The following LAMA2 variants were observed in gnomAD, a reference collection of about 807,000 sequenced individuals.
LAMA2 encodes the protein laminin subunit alpha-2.
A neutral mutation model predicts 364.8 loss-of-function variants in LAMA2; 269 were observed. That is an observed-to-expected ratio of 0.74 (90% CI 0.67 to 0.82). The LOEUF is 0.82. LAMA2 is among the 40% of genes least tolerant of loss of function. LAMA2 has a pLI of 0.00. For missense variants in LAMA2, 3,807 were observed against 3,873.2 expected (o/e 0.98, Z 0.45); for synonymous variants, 1,379 against 1,370.6 (o/e 1.01, Z -0.14).
In LAMA2 at chr6:129,192,729, G is replaced by A. The variant is rs969938145; in HGVS notation, c.1658G>A (p.Arg553Gln). 1.1e-5 allele frequency: 18 copies of A among 1,613,986 alleles called. No individual in the cohort carries two copies. Among genetic ancestry groups the A allele is most frequent in the Non-Finnish European group, 1.5e-5 (18 of 1,180,012 alleles). Residue 553 changes from arginine (R) to glutamine (Q), a missense_variant, in exon 12 of 65, where the codon CGA becomes CAA. This residue lies in a region of LAMA2 where 3,333 missense variants were observed against 3,345.7 expected (regional missense o/e 1.00). Transcript: ENST00000421865. ...WYLTDLPGRI[R>Q]VAPQQDDLDS... Reference sequence around the variant, plus strand: ...CTGACTGACCTTCCTGGCCGCATTCGAGTGGCTCCCCAGCAGGACGACTTG... The same window carrying A: ...CTGACTGACCTTCCTGGCCGCATTCAAGTGGCTCCCCAGCAGGACGACTTG...
intron 14 of LAMA2, among the ~76,000 whole-genome samples, chr6:129,259,168 T>C (rs1257822490): frequency 1.3e-5 from 2 of 152,072 alleles, no homozygotes; most frequent in African/African-American, 4.8e-5. Flanking sequence ...GTAAAAGCAA[T>C]GAAAATTTTA....
intron 1 of LAMA2, chr6:128,929,926 C>T (rs1484468008): frequency 2.5e-6 from 2 of 799,558 alleles, no homozygotes; most frequent in South Asian, 3.1e-5. Context: ...CAAGCAGGAG[C>T]GCGGCCCACA....
At chr6:128,949,236 T>C (rs1780661911) in intron 1 of LAMA2, among the ~76,000 whole-genome samples, 1 of 152,174 alleles carries the variant, frequency 6.6e-6, no homozygotes, top group Non-Finnish European at 1.5e-5. Context: ...AGACCTTGAC[T>C]TTGTCAAAAT....
At chr6:129,086,000 G>C (rs376164871) in intron 3 of LAMA2, among the ~76,000 whole-genome samples, 1 of 152,148 alleles carries the variant, frequency 6.6e-6, no homozygotes, top group Admixed American at 6.5e-5. Context: ...GCTTGCAGCC[G>C]TCTCATTTTT....
intron 1 of LAMA2, among the ~76,000 whole-genome samples, chr6:128,920,251 G>A (rs908387945): frequency 7.9e-5 from 12 of 151,436 alleles, no homozygotes; most frequent in Non-Finnish European, 1.2e-4. Flanking sequence ...TCCACCTCCC[G>A]GGTTCAAGCG....
chr6:129,296,727 A>G (rs1773208061), intron 20 of LAMA2, among the ~76,000 whole-genome samples: 1 of 152,160 alleles, frequency 6.6e-6, no homozygotes, highest in Admixed American at 6.5e-5. Context: ...ATTTTTACAA[A>G]GAAGTAATTA....
At chr6:129,067,103 G>C (rs997356129) in intron 3 of LAMA2, among the ~76,000 whole-genome samples, 2 of 152,150 alleles carry the variant, frequency 1.3e-5, no homozygotes, top group Non-Finnish European at 2.9e-5. Context: ...TGGATAACCA[G>C]GGAAACAATC....
At chr6:129,506,433 T>G (rs781301962) in intron 61 of LAMA2, among the ~76,000 whole-genome samples, 1 of 152,112 alleles carries the variant, frequency 6.6e-6, no homozygotes, top group Non-Finnish European at 1.5e-5. Context: ...CACTGAAAGA[T>G]GAAAATGATG....
chr6:129,130,439 A>C (rs962501425), intron 4 of LAMA2, among the ~76,000 whole-genome samples: 1 of 152,194 alleles, frequency 6.6e-6, no homozygotes, highest in East Asian at 1.9e-4. Context: ...CTTTTTCTTA[A>C]AAGACTGCCA....
intron 40 of LAMA2, among the ~76,000 whole-genome samples, chr6:129,420,282 A>G (rs1781013281): frequency 1.3e-5 from 2 of 152,140 alleles, no homozygotes; most frequent in South Asian, 4.1e-4. Flanking sequence ...TTACATCATT[A>G]TTATAGTAAG....
chr6:129,133,555 T>A (rs1322780388), intron 4 of LAMA2, among the ~76,000 whole-genome samples: 6 of 152,110 alleles, frequency 3.9e-5, no homozygotes, highest in Admixed American at 3.3e-4. Flanking sequence ...GGGAGGATGG[T>A]GACAGTCACT....
chr6:128,982,013 G>T (rs910078023), intron 1 of LAMA2, among the ~76,000 whole-genome samples: 2 of 152,072 alleles, frequency 1.3e-5, no homozygotes, highest in African/African-American at 2.4e-5. Context: ...TTTCCAAACT[G>T]GTGTTTACCT....
intron 24 of LAMA2, 24 bp downstream of exon 24, chr6:129,314,822 T>G (rs1774477206): frequency 1.2e-6 from 2 of 1,613,174 alleles, no homozygotes; most frequent in East Asian, 4.5e-5. Context: ...TGCTGAGCCA[T>G]GTAATGGTAT....
chr6:129,427,448 T>G (rs1354992008), intron 40 of LAMA2, among the ~76,000 whole-genome samples: 1 of 152,196 alleles, frequency 6.6e-6, no homozygotes, highest in African/African-American at 2.4e-5. Context: ...ATTTCCATAG[T>G]GTTATGCTCT....
At chr6:129,069,789 A>G (rs1773186856) in intron 3 of LAMA2, among the ~76,000 whole-genome samples, 1 of 148,362 alleles carries the variant, frequency 6.7e-6, no homozygotes, top group African/African-American at 2.4e-5. Context: ...ATGTATAATT[A>G]TATACAATAT....
intron 3 of LAMA2, among the ~76,000 whole-genome samples, chr6:129,080,615 T>C (rs1227842002): frequency 1.3e-5 from 2 of 152,092 alleles, no homozygotes; most frequent in Non-Finnish European, 2.9e-5. Context: ...AAGAAGACAT[T>C]TATGCAGCCA....
rs571279318 is a variant in LAMA2 at position 129,043,464 on chromosome 6, T to C, written c.113-6454T>C. On this transcript the variant is annotated intron_variant, in intron 1 of 64. Coordinates refer to ENST00000421865, the MANE Select transcript of LAMA2 (RefSeq NM_000426.4). ...TTCATTCTAGATACTGTGTTACATTTTTCAGTCACAGAATTTATATTCAAT... is the reference window on the plus strand; with the variant it reads ...TTCATTCTAGATACTGTGTTACATTCTTCAGTCACAGAATTTATATTCAAT... 1.4e-4 allele frequency among the ~76,000 whole-genome samples: 21 copies of C among 152,336 alleles called. 1 individual carries two copies. The South Asian group carries it at 4.3e-3, about 32-fold the overall frequency.
chr6:129,255,273 G>A (rs951814903), intron 14 of LAMA2, among the ~76,000 whole-genome samples: 1 of 151,844 alleles, frequency 6.6e-6, no homozygotes, highest in African/African-American at 2.4e-5. Flanking sequence ...AGACATGGTG[G>A]CACGTGTCAG....
At chr6:129,361,965 G>A (rs974701318) in intron 32 of LAMA2, among the ~76,000 whole-genome samples, 2 of 151,708 alleles carry the variant, frequency 1.3e-5, no homozygotes, top group Admixed American at 1.3e-4. Context: ...TGTATTTTTA[G>A]TAGAGATGGG....
Sources: gnomAD v4.1 joint callset for allele counts (sites outside exome capture counted in the v4.1 genomes callset) on GRCh38, gnomAD v4.1.1 for gene constraint, gnomAD v4.1.1 regional missense constraint, MANE v1.5 for transcripts, NCBI Gene and HGNC (gene_info 2026-07-23, HGNC 2026-07-21) for gene names.